The following GNE variants were observed in gnomAD, a reference collection of about 807,000 sequenced individuals.
GNE encodes bifunctional UDP-N-acetylglucosamine 2-epimerase/N-acetylmannosamine kinase.
A neutral mutation model predicts 61.8 loss-of-function variants in GNE; 41 were observed. The observed-to-expected ratio is 0.66, with a 90% CI of 0.52 to 0.86. GNE has a LOEUF of 0.86. Ranked by LOEUF, GNE falls within the 40% of genes least tolerant of loss-of-function variation. GNE has a pLI of 0.00. For synonymous variants in GNE, 264 were observed against 326.4 expected, an observed-to-expected ratio of 0.81 and a Z score of 2.06; for missense variants, 608 against 909.1, an observed-to-expected ratio of 0.67 and a Z score of 4.26.
intron 1 of GNE, among the ~76,000 whole-genome samples, chr9:36,275,557 A>C (rs113447825): frequency 9.4e-4 from 143 of 152,354 alleles, no homozygotes; most frequent in African/African-American, 3.3e-3. Context: ...AGGCAAATGA[A>C]TGAAATGATT....
In GNE at chr9:36,246,231, C is replaced by T; in HGVS notation, c.416G>A (p.Ser139Asn). ...RILHIEGGEVSGTIDDSIRHA... is the reference protein window; with the variant it reads ...RILHIEGGEVNGTIDDSIRHA... ...TCTGATAGAGTCATCAATGGTCCCA[C>T]TGACTTCCCCACCTTCAATGTGAAG... The change falls in exon 3 of 12, where the codon AGT (serine) becomes AAT (asparagine). Residue 139 changes from serine (S) to asparagine (N), a missense_variant. Transcript: ENST00000642385. 6.2e-7 allele frequency: 1 copy of T among 1,614,216 alleles called. No individual in the cohort carries two copies. The highest frequency in any genetic ancestry group is 2.2e-5 in the East Asian group (1 of 44,890).
intron 5 of GNE, among the ~76,000 whole-genome samples, chr9:36,233,623 C>T (rs993502868): frequency 6.6e-6 from 1 of 151,322 alleles, no homozygotes; most frequent in Non-Finnish European, 1.5e-5. Context: ...GCCGAGATCA[C>T]GCTACTGCAC....
At position 36,227,371 on chromosome 9, in the gene GNE, T is replaced by C; in HGVS notation, c.1158A>G (p.Lys386=). ...TCTCCTTCACAGGAGGAAAGCAGAATTTCTTTTGCAGTGGCTCTTGAAGAT... is the reference window on the plus strand; with the variant it reads ...TCTCCTTCACAGGAGGAAAGCAGAACTTCTTTTGCAGTGGCTCTTGAAGAT... ...SIDLQEPLQK[K]FCFPPVKENI... is the part of the protein sequence containing the mutation. Residue 386 remains lysine, a synonymous_variant, in exon 7 of 12, where the codon AAA becomes AAG. Coordinates refer to ENST00000642385, the MANE Select transcript of GNE (RefSeq NM_005476.7). The C allele has an allele frequency of 1.2e-6, 2 of 1,612,328 alleles. No individual in the cohort carries two copies. Among genetic ancestry groups the C allele is most frequent in the Non-Finnish European group, 1.7e-6 (2 of 1,178,332 alleles).
At chr9:36,228,207 TATAAA>T (rs1285501456) in intron 6 of GNE, among the ~76,000 whole-genome samples, 1 of 151,878 alleles carries the variant, frequency 6.6e-6, no homozygotes, top group East Asian at 1.9e-4. Flanking sequence ...AAAAATTTTA[TATAAA>T]ATAATATCTA....
At chr9:36,237,462 T>G (rs1244148577) in intron 3 of GNE, among the ~76,000 whole-genome samples, 14 of 152,142 alleles carry the variant, frequency 9.2e-5, no homozygotes, top group Non-Finnish European at 5.9e-5. Context: ...GTGGCAAGTG[T>G]TTCTAACTCT....
intron 3 of GNE, among the ~76,000 whole-genome samples, chr9:36,240,076 G>A (rs1192850126): frequency 2.0e-5 from 3 of 151,954 alleles, no homozygotes; most frequent in East Asian, 3.9e-4. Flanking sequence ...GGTGTCCTTA[G>A]GATTTTCAAG....
At chr9:36,267,025 C>T (rs1225743982) in intron 1 of GNE, among the ~76,000 whole-genome samples, 2 of 152,146 alleles carry the variant, frequency 1.3e-5, no homozygotes, top group African/African-American at 4.8e-5. Flanking sequence ...GAGATCGTGC[C>T]ACTGCATTGC....
intron 5 of GNE, 79 bp downstream of exon 5, chr9:36,233,841 G>C (rs755722385): frequency 9.5e-7 from 1 of 1,051,730 alleles, no homozygotes; most frequent in Non-Finnish European, 1.5e-6. Context: ...TATATGCTCA[G>C]TACTGATATA....
Position 36,222,840 on chromosome 9 carries a change from C to T in GNE, c.1570G>A (p.Ala524Thr). The change falls in exon 9 of 12, where the codon GCG (alanine) becomes ACG (threonine). Residue 524 changes from alanine (A) to threonine (T), a missense_variant. Physicochemically the swap from Ala to Thr is moderately conservative, Grantham distance 58 (BLOSUM62 0). Transcript: ENST00000642385. ...TTTCCTTGGCCAAATTTCCTTTCCG[C>T]CAGGGCAGCACAGTTGCCATCATTG... ...VDNDGNCAALAERKFGQGKGL... is the reference protein window; with the variant it reads ...VDNDGNCAALTERKFGQGKGL... The T allele has an allele frequency of 6.2e-7, 1 of 1,614,204 alleles. No individual in the cohort carries two copies. The highest frequency in any genetic ancestry group is 2.2e-5 in the East Asian group (1 of 44,886).
intron 3 of GNE, among the ~76,000 whole-genome samples, chr9:36,244,939 CAA>C (rs200558832): frequency 0.015 from 1,430 of 94,056 alleles, 22 homozygotes; most frequent in African/African-American, 0.049. Flanking sequence ...GACTCCATCT[CAA>C]AAAAAAAAAA....
chr9:36,224,748 T>C (rs1828781499), intron 7 of GNE, among the ~76,000 whole-genome samples: 1 of 152,132 alleles, frequency 6.6e-6, no homozygotes, highest in Non-Finnish European at 1.5e-5. Flanking sequence ...CACACGCCTG[T>C]AGTCTCAGCT....
rs1346976952 is a variant in GNE, at chr9:36,216,672, T to TTATTA, written c.*692_*693insTAATA. ...ATTATTATTATTATTATTATTATTA[T>TTATTA]TTATTATTATTATTTTTGAGATGGA... On this transcript the variant is annotated 3_prime_UTR_variant, in exon 12 of 12. Transcript: ENST00000642385. The TTATTA allele has an allele frequency of 1.1e-5, 1 of 87,942 alleles. No individual in the cohort carries two copies. The highest frequency in any genetic ancestry group is 4.6e-5 in the African/African-American group (1 of 21,582). 5.4% of individuals were successfully genotyped at this position (87,942 alleles called of 1,614,324 possible).
rs372732220 is a variant in GNE, at chr9:36,219,847, G to A, written c.1807C>T (p.Leu603Phe). The A allele has an allele frequency of 6.8e-6, 11 of 1,613,900 alleles. No homozygotes were observed. The highest frequency in any genetic ancestry group is 6.8e-6 in the Non-Finnish European group (8 of 1,179,880). Residue 603 changes from leucine (L) to phenylalanine (F), a missense_variant, in exon 10 of 12, where the codon CTC (leucine) becomes TTC (phenylalanine). By Grantham distance (22) the Leu-to-Phe change is conservative (BLOSUM62 0). Coordinates refer to ENST00000642385, the MANE Select transcript of GNE (RefSeq NM_005476.7). ...GMALQREAKK[L>F]HDEDLLLVEG... The stretch of plus-strand genomic sequence containing the variant: ...AGAGAGGGACACCAACCATCATGGA[G>A]CTTTTTTGCCTCCCTCTGCAAGGCC...
chr9:36,220,717 G>A (rs1352412042), intron 9 of GNE, among the ~76,000 whole-genome samples: 2 of 152,192 alleles, frequency 1.3e-5, no homozygotes, highest in Non-Finnish European at 2.9e-5. Context: ...GCTTCCTGAA[G>A]CAGAAAATAT....
At chr9:36,237,939 A>T (rs1829464071) in intron 3 of GNE, among the ~76,000 whole-genome samples, 1 of 152,108 alleles carries the variant, frequency 6.6e-6, no homozygotes, top group African/African-American at 2.4e-5. Context: ...GAGTTACTTC[A>T]CTTAGAATAA....
intron 2 of GNE, among the ~76,000 whole-genome samples, chr9:36,248,401 G>A (rs1272544613): frequency 1.3e-5 from 2 of 150,370 alleles, no homozygotes; most frequent in East Asian, 2.0e-4. Flanking sequence ...TGCAACCTCC[G>A]CCTCCCGGGT....
chr9:36,216,301 C>G lies in GNE; in HGVS notation c.*1064G>C. The G allele has an allele frequency of 2.6e-6, 1 of 384,412 alleles. No homozygotes were observed. The highest frequency in any genetic ancestry group is 5.1e-6 in the Non-Finnish European group (1 of 194,632). The allele number at this position is 384,412 out of a possible 1,614,324, so 23.8% of individuals were successfully genotyped here. On this transcript the variant is annotated 3_prime_UTR_variant, in exon 12 of 12. Transcript: ENST00000642385. ...CTCTGACTGGATCACCTTCTGTGAT[C>G]TTAGTTTGGGGTTAGAGGAGGAAGG...
intron 5 of GNE, 148 bp downstream of exon 5, chr9:36,233,772 G>A (rs554998471): frequency 1.5e-5 from 11 of 757,822 alleles, no homozygotes; most frequent in East Asian, 4.9e-5. Flanking sequence ...GCTATTTATC[G>A]ACTATAGATT....
At chr9:36,254,205 A>AAAAT (rs60990459) in intron 1 of GNE, among the ~76,000 whole-genome samples, 87,948 of 144,638 alleles carry the variant, frequency 0.61, 28,187 homozygotes, top group Non-Finnish European at 0.73. Context: ...ACTTTGTCTC[A>AAAAT]AAATAAATAA....
Sources: gnomAD v4.1 joint callset for allele counts (sites outside exome capture counted in the v4.1 genomes callset) on GRCh38, gnomAD v4.1.1 for gene constraint, MANE v1.5 for transcripts, NCBI Gene and HGNC (gene_info 2026-07-23, HGNC 2026-07-21) for gene names.